Variants in MICU2 observed in about 807,000 individuals in gnomAD.
MICU2 encodes the protein mitochondrial calcium uptake 2, also known as calcium uptake protein 2, mitochondrial.
In MICU2, 64 loss-of-function variants were observed where a neutral mutation model predicts 60.4. The observed-to-expected ratio is 1.06, with a 90% CI of 0.87 to 1.31. The LOEUF (loss-of-function observed/expected upper bound fraction) is 1.31, where lower values mean the gene tolerates loss of function less well. Ranked by LOEUF, MICU2 falls within the 50% of genes most tolerant of loss-of-function variation. MICU2 has a pLI of 0.00. For missense variants in MICU2, 569 were observed against 531.0 expected (o/e 1.07, Z -0.70); for synonymous variants, 201 against 175.0 (o/e 1.15, Z -1.17).
chr13:21,564,577 C>T (rs1372140392), intron 2 of MICU2, among the ~76,000 whole-genome samples: 2 of 152,032 alleles, frequency 1.3e-5, no homozygotes, highest in African/African-American at 2.4e-5. Flanking sequence ...CCTTCAAAAG[C>T]GGTTCTCAGT....
At chr13:21,542,399 T>C (rs1485064181) in intron 2 of MICU2, among the ~76,000 whole-genome samples, 2 of 152,200 alleles carry the variant, frequency 1.3e-5, no homozygotes, top group Non-Finnish European at 2.9e-5. Flanking sequence ...AATCTAATTT[T>C]TCCTTCTGTT....
At chr13:21,537,121 C>A (rs187494616) in intron 4 of MICU2, among the ~76,000 whole-genome samples, 1 of 152,120 alleles carries the variant, frequency 6.6e-6, no homozygotes, top group Admixed American at 6.5e-5. Context: ...CTTGACTTTC[C>A]TACTTTCTTT....
In MICU2 at chr13:21,604,095, C is replaced by A; in HGVS notation, c.54G>T (p.Leu18=). Residue 18 remains leucine (L), a synonymous_variant, in exon 1 of 12, where the codon CTG becomes CTT. Coordinates refer to ENST00000382374, the MANE Select transcript of MICU2 (RefSeq NM_152726.3). The part of the protein sequence containing the change: ...CARVAAWGGK[L]RRGLAVSRQA... ...GTCGGCTGACAGCGAGCCCCCGTCG[C>A]AGTTTTCCGCCCCAGGCCGCCACCC... 6.3e-7 allele frequency: 1 copy of A among 1,592,062 alleles called. No homozygotes were observed. The highest frequency in any genetic ancestry group is 8.5e-7 in the Non-Finnish European group (1 of 1,171,116).
chr13:21,588,374 C>T (rs569288656), intron 1 of MICU2, among the ~76,000 whole-genome samples: 2 of 152,156 alleles, frequency 1.3e-5, no homozygotes, highest in Non-Finnish European at 2.9e-5. Context: ...GTTGACCAGG[C>T]GTGGGCTGCA....
chr13:21,585,635 G>C (rs1215105065), intron 1 of MICU2, among the ~76,000 whole-genome samples: 1 of 152,142 alleles, frequency 6.6e-6, no homozygotes. Context: ...GGCTCTTATA[G>C]CAAATTCAAA....
intron 7 of MICU2, among the ~76,000 whole-genome samples, chr13:21,511,680 C>T (rs780217976): frequency 3.9e-5 from 6 of 151,958 alleles, no homozygotes; most frequent in Non-Finnish European, 7.4e-5. Flanking sequence ...TATAGCTACA[C>T]CAGCTTTCCT....
rs1566143512 is a variant in MICU2, at chr13:21,514,431, C to T, written c.598-13G>A. On this transcript the variant is annotated splice_polypyrimidine_tract_variant and intron_variant, in intron 6 of 11. Transcript: ENST00000382374. ...TGATCTTCTGCAGCTAAAAAGATTA[C>T]AAACATGAGTTTACATGTGTGCCTA... 1.2e-6 allele frequency: 2 copies of T among 1,609,680 alleles called. No homozygotes were observed. Among genetic ancestry groups the T allele is most frequent in the East Asian group, 4.5e-5 (2 of 44,768 alleles).
At chr13:21,516,199 T>C (rs905777471) in intron 6 of MICU2, among the ~76,000 whole-genome samples, 4 of 152,218 alleles carry the variant, frequency 2.6e-5, no homozygotes, top group African/African-American at 9.6e-5. Context: ...TTTCTTTGTG[T>C]CTCTTCCCAG....
chr13:21,544,516 G>GAAAAAAAAAAAAAAAAAAAA (rs10628955), intron 2 of MICU2, among the ~76,000 whole-genome samples: 1 of 77,390 alleles, frequency 1.3e-5, no homozygotes, highest in African/African-American at 5.1e-5. Flanking sequence ...ATAAACACAT[G>GAAAAAAAAAAAAAAAAAAAA]AAAAAAAAAA....
At chr13:21,507,861 C>T (rs867278583) in intron 8 of MICU2, among the ~76,000 whole-genome samples, 16 of 152,092 alleles carry the variant, frequency 1.1e-4, no homozygotes, top group Middle Eastern at 3.4e-3. Context: ...CCTTGGCCTT[C>T]TAAAGTGCTG....
chr13:21,569,089 G>A (rs1486721460), intron 1 of MICU2, among the ~76,000 whole-genome samples: 3 of 152,076 alleles, frequency 2.0e-5, no homozygotes, highest in African/African-American at 4.8e-5. Context: ...ACTAAGGCTC[G>A]CTTTCTTTCA....
At chr13:21,514,589 A>G (rs1432576278) in intron 6 of MICU2, among the ~76,000 whole-genome samples, 171 bp from the exon 7 acceptor site, 2 of 151,950 alleles carry the variant, frequency 1.3e-5, no homozygotes, top group African/African-American at 4.8e-5. Flanking sequence ...GCTGGAGTGC[A>G]GTGGCGCAAT....
At chr13:21,584,053 T>G (rs554386761) in intron 1 of MICU2, among the ~76,000 whole-genome samples, 2 of 152,318 alleles carry the variant, frequency 1.3e-5, no homozygotes, top group East Asian at 3.9e-4. Context: ...TAGAAACACA[T>G]TGTGCTTTCA....
chr13:21,561,781 T>C (rs1389801695), intron 2 of MICU2, among the ~76,000 whole-genome samples: 2 of 149,558 alleles, frequency 1.3e-5, no homozygotes, highest in Non-Finnish European at 3.0e-5. Flanking sequence ...TACATATGTA[T>C]ACATGTGCCA....
intron 2 of MICU2, among the ~76,000 whole-genome samples, chr13:21,566,403 G>T (rs756899749): frequency 6.6e-5 from 10 of 151,938 alleles, no homozygotes; most frequent in Non-Finnish European, 1.2e-4. Flanking sequence ...TGTAATTATA[G>T]TTTTTCAACT....
intron 2 of MICU2, among the ~76,000 whole-genome samples, chr13:21,547,347 C>A (rs1268513848): frequency 2.0e-5 from 3 of 152,158 alleles, no homozygotes; most frequent in African/African-American, 7.2e-5. Context: ...ATGGCATATT[C>A]TCCCTTTTCC....
intron 4 of MICU2, among the ~76,000 whole-genome samples, chr13:21,528,433 CT>C (rs1886908134): frequency 6.6e-6 from 1 of 152,034 alleles, no homozygotes; most frequent in Non-Finnish European, 1.5e-5. Context: ...TTTCAGGGAA[CT>C]AAAAAGTAAC....
chr13:21,536,631 C>T (rs1356565281), intron 4 of MICU2, among the ~76,000 whole-genome samples: 1 of 152,146 alleles, frequency 6.6e-6, no homozygotes, highest in African/African-American at 2.4e-5. Flanking sequence ...ATGCACTCAG[C>T]CATAAAATTA....
At chr13:21,558,226 C>T (rs1887755449) in intron 2 of MICU2, among the ~76,000 whole-genome samples, 1 of 152,138 alleles carries the variant, frequency 6.6e-6, no homozygotes, top group Admixed American at 6.5e-5. Context: ...CTCAGGGAGG[C>T]AGTTTTGGGT....
Sources: allele counts gnomAD v4.1 joint callset (sites outside exome capture counted in the v4.1 genomes callset), GRCh38; gene constraint gnomAD v4.1.1; transcripts MANE v1.5; gene names NCBI Gene and HGNC (gene_info 2026-07-23, HGNC 2026-07-21).